MAP4K2: variants seen among roughly 807,000 people sequenced by gnomAD.
The protein encoded by MAP4K2 is B lymphocyte serine/threonine protein kinase.
MAP4K2 carries 85 observed loss-of-function variants against 125.3 expected under a neutral mutation model. The ratio of observed to expected loss-of-function variants is 0.68; its 90% CI spans 0.57 to 0.81. The LOEUF (loss-of-function observed/expected upper bound fraction) is 0.81. MAP4K2 is among the 40% of genes least tolerant of loss of function. The probability of loss-of-function intolerance (pLI) is 0.00; values close to 1 mark genes in which losing one functional copy is unlikely to be tolerated. For missense variants in MAP4K2, 923 were observed against 1,056.4 expected (o/e 0.87, Z 1.75); for synonymous variants, 479 against 445.1 (o/e 1.08, Z -0.96).
At chr11:64,797,758 T>A in intron 15 of MAP4K2, 94 bp from the exon 16 acceptor site, 1 of 1,230,140 alleles carries the variant, frequency 8.1e-7, no homozygotes, top group Non-Finnish European at 1.1e-6. Flanking sequence ...CAGGCCGGAG[T>A]GCAGTGGCGC....
Position 64,802,632 on chromosome 11 carries a change from T to C in MAP4K2, c.176A>G (p.Gln59Arg), listed in dbSNP as rs781561267. ...LDPGDDISSLQQEITILRECR... is the reference protein window; with the variant it reads ...LDPGDDISSLRQEITILRECR... ...CTCACGCAGGATGGTGATTTCCTGC[T>C]GGAGGGAGCTGATGTCGTCCCCTGG... The change falls in exon 3 of 32, where the codon CAG (glutamine) becomes CGG (arginine). Residue 59 changes from glutamine to arginine, a missense_variant. Coordinates refer to ENST00000294066, the MANE Select transcript of MAP4K2 (RefSeq NM_004579.5). The C allele has an allele frequency of 6.2e-7, 1 of 1,612,734 alleles. No individual in the cohort carries two copies. The highest frequency in any genetic ancestry group is 2.2e-5 in the East Asian group (1 of 44,852).
At chr11:64,792,331 G>GGCCCCCCCCCCCCCCCC in intron 25 of MAP4K2, 33 bp downstream of exon 25, 1 of 1,535,444 alleles carries the variant, frequency 6.5e-7, no homozygotes, top group African/African-American at 1.4e-5. Flanking sequence ...CCCCCACCAG[G>GGCCCCCCCCCCCCCCCC]CCCCGCCCCA....
At chr11:64,800,048 AC>A in intron 12 of MAP4K2, 60 bp downstream of exon 12, 1 of 1,366,558 alleles carries the variant, frequency 7.3e-7, no homozygotes. Context: ...CACCAACATC[AC>A]CCTCGGGCTC....
In MAP4K2 at chr11:64,797,646, G is replaced by A. The variant is rs1244790198; in HGVS notation, c.1116C>T (p.Val372=). ...CTCACCTTTCCTCCAGGGCCTCCTG[G>A]ACCGACTGCAGCAGGCTCCTGGGCA... ...EELSGSLLQS[V]QEALEERSLT... The change falls in exon 16 of 32, where the codon GTC becomes GTT. Residue 372 remains valine, a synonymous_variant. Transcript: ENST00000294066. The A allele has an allele frequency of 1.3e-6, 2 of 1,578,398 alleles. No homozygotes were observed. The highest frequency in any genetic ancestry group is 1.2e-5 in the South Asian group (1 of 86,550).
chr11:64,799,141 G>C (rs1272209742), intron 14 of MAP4K2, among the ~76,000 whole-genome samples: 1 of 152,224 alleles, frequency 6.6e-6, no homozygotes, highest in Non-Finnish European at 1.5e-5. Context: ...AAACGAGGCT[G>C]AGCAGGGTAG....
intron 30 of MAP4K2, 38 bp downstream of exon 30, chr11:64,789,851 C>T: frequency 6.2e-7 from 1 of 1,614,034 alleles, no homozygotes; most frequent in Non-Finnish European, 8.5e-7. Context: ...GTAGGGACCA[C>T]AAGGCAGGGG....
intron 11 of MAP4K2, 30 bp downstream of exon 11, chr11:64,800,281 G>A (rs777495176): frequency 3.7e-6 from 6 of 1,613,094 alleles, no homozygotes; most frequent in Non-Finnish European, 5.1e-6. Flanking sequence ...TTTGAGTACT[G>A]GGCCTCTCTC....
intron 24 of MAP4K2, among the ~76,000 whole-genome samples, chr11:64,793,407 C>T (rs537972016): frequency 6.6e-6 from 1 of 152,270 alleles, no homozygotes; most frequent in Non-Finnish European, 1.5e-5. Flanking sequence ...GCAGAGGCAA[C>T]AGCCCTGTGG....
In MAP4K2 at chr11:64,788,399, T is replaced by A. The variant is rs1320924654; in HGVS notation, c.*1138A>T. On this transcript the variant is annotated 3_prime_UTR_variant, in exon 32 of 32. Coordinates refer to ENST00000294066, the MANE Select transcript of MAP4K2 (RefSeq NM_004579.5). ...AAAGGCTCCAGTCAAGAGCGGCTGA[T>A]CAGTGCCTGGGGCAAAAGAGGATGC... The A allele has an allele frequency of 6.6e-6, 1 of 152,262 alleles. No individual in the cohort carries two copies. The highest frequency in any genetic ancestry group is 1.5e-5 in the Non-Finnish European group (1 of 68,184). 9.4% of individuals were successfully genotyped at this position (152,262 alleles called of 1,614,324 possible). A position where few individuals can be genotyped will look rare whatever the true frequency, so the allele number is the denominator to read the frequency against.
At position 64,792,548 on chromosome 11, in the gene MAP4K2, CAG is replaced by C. The variant is rs1940564032; in HGVS notation, c.1752-128_1752-127del. The C allele has an allele frequency of 3.9e-6, 3 of 774,414 alleles. No homozygotes were observed. In the African/African-American group the frequency reaches 5.2e-5, roughly 13 times the overall value. The allele number at this position is 774,414 out of a possible 1,614,324, so 48.0% of individuals were successfully genotyped here. ...AGTAAGGGACTGAGACTCAGAGACA[CAG>C]AGTAACTTGCCCCAAGAACAGCTGG... On this transcript the variant is annotated intron_variant, in intron 24 of 31. Transcript: ENST00000294066.
chr11:64,799,828 A>T (rs899271880), intron 12 of MAP4K2, 145 bp from the exon 13 acceptor site: 1 of 682,072 alleles, frequency 1.5e-6, no homozygotes, highest in Non-Finnish European at 2.5e-6. Flanking sequence ...CCCACTTCAC[A>T]GATGAGAGAA....
At chr11:64,796,469 C>T (rs1940807430) in intron 23 of MAP4K2, 24 bp downstream of exon 23, 1 of 1,613,808 alleles carries the variant, frequency 6.2e-7, no homozygotes, top group Non-Finnish European at 8.5e-7. Flanking sequence ...CGGACCCTGC[C>T]TCCCTGCCCA....
At chr11:64,799,355 G>A (rs577878652) in intron 14 of MAP4K2, 66 bp downstream of exon 14, 34 of 1,578,676 alleles carry the variant, frequency 2.2e-5, no homozygotes, top group East Asian at 1.6e-4. Flanking sequence ...TGAGCTGCTC[G>A]GCCTCCATCC....
intron 13 of MAP4K2, 47 bp downstream of exon 13, chr11:64,799,558 C>T: frequency 1.9e-6 from 3 of 1,605,722 alleles, no homozygotes; most frequent in Non-Finnish European, 2.6e-6. Context: ...CATGTGCACA[C>T]AGGCCCCCCA....
At chr11:64,799,789 T>C (rs1309131523) in intron 12 of MAP4K2, 106 bp from the exon 13 acceptor site, 1 of 844,062 alleles carries the variant, frequency 1.2e-6, no homozygotes, top group African/African-American at 1.7e-5. Flanking sequence ...ATGACAGCCC[T>C]CTGGGACTAC....
intron 5 of MAP4K2, 59 bp downstream of exon 5, chr11:64,802,007 G>A: frequency 1.3e-6 from 2 of 1,544,152 alleles, no homozygotes; most frequent in East Asian, 2.3e-5. Flanking sequence ...TGGTCATCTG[G>A]GCTCCTGGCC....
At chr11:64,799,321 C>G (rs1941017596) in intron 14 of MAP4K2, 100 bp downstream of exon 14, 3 of 1,464,966 alleles carry the variant, frequency 2.0e-6, no homozygotes, top group South Asian at 1.2e-5. Context: ...CCCGAGGCCA[C>G]CCAGCTTCAA....
intron 27 of MAP4K2, among the ~76,000 whole-genome samples, chr11:64,791,611 C>G (rs1446705365): frequency 6.6e-6 from 1 of 152,190 alleles, no homozygotes; most frequent in Admixed American, 6.5e-5. Context: ...GCTCAAGCCC[C>G]TCTCTCTCCT....
intron 27 of MAP4K2, 114 bp downstream of exon 27, chr11:64,791,793 CTG>C: frequency 8.6e-7 from 1 of 1,159,552 alleles, no homozygotes; most frequent in Admixed American, 2.9e-5. Flanking sequence ...CTCAAGGTCT[CTG>C]TGGAGCCACT....
Sources: allele counts gnomAD v4.1 joint callset (sites outside exome capture counted in the v4.1 genomes callset), GRCh38; gene constraint gnomAD v4.1.1; transcripts MANE v1.5; gene names NCBI Gene and HGNC (gene_info 2026-07-23, HGNC 2026-07-21).